The following MED14 variants were observed in gnomAD, a reference collection of about 807,000 sequenced individuals.
The protein encoded by MED14 is mediator of RNA polymerase II transcription subunit 14.
In MED14, 8 loss-of-function variants were observed where a neutral mutation model predicts 109.0. The ratio of observed to expected loss-of-function variants is 0.07; its 90% CI spans 0.04 to 0.13. The LOEUF is 0.13. MED14 is among the 10% of genes least tolerant of loss of function. The pLI, the probability that MED14 is intolerant of heterozygous loss-of-function variation, is 1.00. For synonymous variants in MED14, 399 were observed against 408.7 expected (o/e 0.98, Z 0.29); for missense variants, 711 against 1,142.4 (o/e 0.62, Z 5.44).
chrX:40,726,485 C>T (rs763449285), intron 3 of MED14: 4 of 210,942 alleles, frequency 1.9e-5, no homozygotes, highest in Non-Finnish European at 3.4e-5. Context: ...TATAAACTAA[C>T]AATTTTCCCC....
intron 16 of MED14, among the ~76,000 whole-genome samples, chrX:40,683,324 GGACC>G (rs1181231840): frequency 9.0e-6 from 1 of 111,313 alleles, no homozygotes; most frequent in Non-Finnish European, 1.9e-5. Context: ...AAAGCTAAGG[GGACC>G]AAATCCTTAT....
At chrX:40,689,585 G>A (rs955340238) in intron 15 of MED14, among the ~76,000 whole-genome samples, 5 of 110,007 alleles carry the variant, frequency 4.5e-5, no homozygotes, top group Non-Finnish European at 9.5e-5. Flanking sequence ...CAGCTACTTG[G>A]GAGGCTGAGG....
intron 20 of MED14, 72 bp downstream of exon 20, chrX:40,680,685 TG>T: frequency 1.1e-6 from 1 of 935,156 alleles, no homozygotes. Context: ...CCCAAAGGGT[TG>T]GGATTACAGG....
rs753752085 is a variant in MED14 at position 40,680,822 on chromosome X, T to C, written c.2546A>G (p.Asn849Ser). The change falls in exon 20 of 31, where the codon AAT becomes AGT. Residue 849 changes from asparagine to serine, a missense_variant. Transcript: ENST00000324817. ...GPNSGCSNCH[N>S]TILHQLQEMF... is the part of the protein sequence containing the mutation. ...TTCTTGAAGCTGATGGAGAATGGTA[T>C]TGTGACAGTTACTGCAACCTGAGTT... The C allele has an allele frequency of 9.1e-6, 11 of 1,202,588 alleles. No individual in the cohort carries two copies. The highest frequency in any genetic ancestry group is 2.2e-5 in the Admixed American group (1 of 45,715).
chrX:40,704,871 G>A (rs1444076167), intron 10 of MED14, among the ~76,000 whole-genome samples: 3 of 111,387 alleles, frequency 2.7e-5, no homozygotes, highest in Non-Finnish European at 3.8e-5. Flanking sequence ...CAAAGGAAAT[G>A]CTTAATGAAG....
At chrX:40,659,777 G>C in intron 26 of MED14, 170 bp from the exon 27 acceptor site, 1 of 395,105 alleles carries the variant, frequency 2.5e-6, no homozygotes, top group Non-Finnish European at 4.3e-6. Flanking sequence ...GATGCGATCA[G>C]ACATTATGTG....
intron 16 of MED14, among the ~76,000 whole-genome samples, chrX:40,685,822 G>A (rs1569286830): frequency 8.9e-6 from 1 of 112,022 alleles, no homozygotes; most frequent in East Asian, 2.8e-4. Flanking sequence ...ATTTTCAAGG[G>A]GATAAAGTAG....
chrX:40,670,558 G>A (rs1411640448), intron 23 of MED14, among the ~76,000 whole-genome samples: 3 of 110,276 alleles, frequency 2.7e-5, no homozygotes, highest in South Asian at 3.8e-4. Context: ...TCAGGAGATC[G>A]AGACCATCCT....
At chrX:40,691,656 G>T (rs189409832) in intron 15 of MED14, among the ~76,000 whole-genome samples, 2 of 86,321 alleles carry the variant, frequency 2.3e-5, no homozygotes, top group Non-Finnish European at 4.3e-5. Context: ...TTGTTGCCCA[G>T]GCTGGAGTGC....
chrX:40,672,014 C>T, intron 22 of MED14, 42 bp from the exon 23 acceptor site: 1 of 845,836 alleles, frequency 1.2e-6, no homozygotes, highest in Non-Finnish European at 1.7e-6. Flanking sequence ...TGGCCAACCG[C>T]ACGGAGCATA....
Position 40,650,569 on chromosome X carries a change from A to G in MED14, c.*1237T>C. ...CCTTTGCATCAGACCATGTTCTTTG[A>G]AGCTTAAAAAAGTCCCTGACTGACT... On this transcript the variant is annotated 3_prime_UTR_variant, in exon 31 of 31. Coordinates refer to ENST00000324817, the MANE Select transcript of MED14 (RefSeq NM_004229.4). The G allele has an allele frequency of 1.3e-6, 1 of 754,050 alleles. No homozygotes were observed. The highest frequency in any genetic ancestry group is 7.6e-4 in the Middle Eastern group (1 of 1,323). 62.1% of individuals were successfully genotyped at this position (754,050 alleles called of 1,213,427 possible).
intron 28 of MED14, among the ~76,000 whole-genome samples, chrX:40,658,688 CAAAAAAAAAAAAAA>C (rs60449902): frequency 4.6e-5 from 1 of 21,632 alleles, no homozygotes; most frequent in Non-Finnish European, 8.1e-5. Flanking sequence ...CCGTCTCTAC[CAAAAAAAAAAAAAA>C]AAAAAAAAAA....
chrX:40,680,602 G>A (rs1246698932), intron 20 of MED14, among the ~76,000 whole-genome samples, 156 bp downstream of exon 20: 1 of 111,509 alleles, frequency 9.0e-6, no homozygotes, highest in Admixed American at 9.5e-5. Context: ...TATTTTTGTA[G>A]AGACAGGGTT....
intron 15 of MED14, 70 bp downstream of exon 15, chrX:40,692,113 T>C: frequency 9.9e-7 from 1 of 1,011,499 alleles, no homozygotes; most frequent in African/African-American, 1.9e-5. Flanking sequence ...AATCTATATA[T>C]ACCCTCAGCA....
At position 40,659,624 on chromosome X, in the gene MED14, C is replaced by T. The variant is rs1210019546; in HGVS notation, c.3685-17G>A. The T allele has an allele frequency of 8.6e-7, 1 of 1,166,634 alleles. No individual in the cohort carries two copies. Among genetic ancestry groups the T allele is most frequent in the African/African-American group, 1.8e-5 (1 of 55,450 alleles). ...CAGCTGCAGCTACAAAACAAGGACA[C>T]ATCAAATTAACATGTAAGTCAAAGA... On this transcript the variant is annotated splice_polypyrimidine_tract_variant and intron_variant, in intron 26 of 30. Transcript: ENST00000324817.
intron 25 of MED14, 151 bp downstream of exon 25, chrX:40,664,156 C>T (rs769339994): frequency 2.1e-6 from 1 of 471,215 alleles, no homozygotes; most frequent in South Asian, 4.3e-5. Context: ...ACTGCACTCC[C>T]CTTATGCATC....
intron 7 of MED14, among the ~76,000 whole-genome samples, chrX:40,711,554 C>T (rs1244010311): frequency 9.0e-6 from 1 of 111,446 alleles, no homozygotes; most frequent in Non-Finnish European, 1.9e-5. Context: ...CTTAATTCAT[C>T]ATAGTTTAGA....
At chrX:40,698,993 CA>C (rs1196694164) in intron 12 of MED14, among the ~76,000 whole-genome samples, 1 of 111,935 alleles carries the variant, frequency 8.9e-6, no homozygotes, top group Non-Finnish European at 1.9e-5. Flanking sequence ...GCATAATAAC[CA>C]AAAAGTGGAA....
Position 40,659,599 on chromosome X carries a change from C to G in MED14, c.3693G>C (p.Leu1231=), listed in dbSNP as rs375303253. The G allele has an allele frequency of 3.4e-6, 4 of 1,191,397 alleles. No individual in the cohort carries two copies. Among genetic ancestry groups the G allele is most frequent in the Non-Finnish European group, 4.5e-6 (4 of 886,525 alleles). ...TCACTCCGGGTTCATTAGAATTTATCAGCTGCAGCTACAAAACAAGGACAC... is the reference window on the plus strand; with the variant it reads ...TCACTCCGGGTTCATTAGAATTTATGAGCTGCAGCTACAAAACAAGGACAC... The part of the protein sequence containing the change: ...QRIIQQETLQ[L]INSNEPGVIM... Residue 1231 remains leucine (L), a synonymous_variant, in exon 27 of 31, where the codon CTG becomes CTC. Coordinates refer to ENST00000324817, the MANE Select transcript of MED14 (RefSeq NM_004229.4).
Sources: gnomAD v4.1 joint callset for allele counts (sites outside exome capture counted in the v4.1 genomes callset) on GRCh38, gnomAD v4.1.1 for gene constraint, MANE v1.5 for transcripts, NCBI Gene and HGNC (gene_info 2026-07-23, HGNC 2026-07-21) for gene names.